DSCAML1: variants seen among roughly 807,000 people sequenced by gnomAD.
The protein encoded by DSCAML1 is cell adhesion molecule DSCAML1.
A neutral mutation model predicts 200.5 loss-of-function variants in DSCAML1; 38 were observed. The observed-to-expected ratio is 0.19, with a 90% CI of 0.15 to 0.25. The LOEUF (loss-of-function observed/expected upper bound fraction) is 0.25, where lower values mean the gene tolerates loss of function less well. DSCAML1 is among the 10% of genes least tolerant of loss of function. The probability of loss-of-function intolerance (pLI) is 1.00; values close to 1 mark genes in which losing one functional copy is unlikely to be tolerated. For missense variants in DSCAML1, 2,223 were observed against 2,858.8 expected (o/e 0.78, Z 5.07); for synonymous variants, 1,215 against 1,165.0 (o/e 1.04, Z -0.87).
rs543711907 is a variant in DSCAML1 at position 117,471,876 on chromosome 11, C to A, written c.2946G>T (p.Glu982Asp). ...GCTGGGTGAGGTGCTCACCGGCCTCCTCAGTGCTGATGGTGAGCTCCTTGC... is the reference window on the plus strand; with the variant it reads ...GCTGGGTGAGGTGCTCACCGGCCTCATCAGTGCTGATGGTGAGCTCCTTGC... Reference protein sequence around the residue: ...EPSKELTISTEEAAPDGPPMD... With the variant: ...EPSKELTISTDEAAPDGPPMD... Residue 982 changes from glutamate (E) to aspartate (D), a missense_variant, in exon 15 of 33, where the codon GAG becomes GAT. Glu to Asp is a conservative substitution (Grantham distance 45). Coordinates refer to ENST00000651296, the MANE Select transcript of DSCAML1 (RefSeq NM_020693.4). The A allele has an allele frequency of 1.0e-5, 16 of 1,561,626 alleles. 1 individual carries two copies. The South Asian group carries it at 1.6e-4, about 16-fold the overall frequency.
intron 24 of DSCAML1, 108 bp downstream of exon 24, chr11:117,438,777 T>C: frequency 9.7e-7 from 1 of 1,034,220 alleles, no homozygotes; most frequent in Non-Finnish European, 1.3e-6. Context: ...GGCCCCCAGA[T>C]CGTTTCTGTC....
chr11:117,445,917 A>G (rs983947767), intron 20 of DSCAML1, among the ~76,000 whole-genome samples: 1 of 152,232 alleles, frequency 6.6e-6, no homozygotes, highest in Non-Finnish European at 1.5e-5. Context: ...GTTCCAGTGG[A>G]TCAAAGGTTT....
intron 19 of DSCAML1, among the ~76,000 whole-genome samples, chr11:117,453,749 T>TC (rs367920807): frequency 0.33 from 46,195 of 138,638 alleles, 8,723 homozygotes; most frequent in Non-Finnish European, 0.45. Context: ...TTTCTTTCTT[T>TC]TTTTTTTTTT....
rs1200257352 is a variant in DSCAML1 at position 117,540,167 on chromosome 11, C to G, written c.512-7645G>C. 3.3e-5 allele frequency among the ~76,000 whole-genome samples: 5 copies of G among 152,294 alleles called. No homozygotes were observed. In the East Asian group the frequency reaches 9.6e-4, roughly 29 times the overall value. On this transcript the variant is annotated intron_variant, in intron 3 of 32. Coordinates refer to ENST00000651296, the MANE Select transcript of DSCAML1 (RefSeq NM_020693.4). ...GTTGTTTAATGCAGGGGTTCCCAACCTTGGGGCCGTGGACCAGTACCTGTT... is the reference window on the plus strand; with the variant it reads ...GTTGTTTAATGCAGGGGTTCCCAACGTTGGGGCCGTGGACCAGTACCTGTT...
chr11:117,546,802 C>T (rs376982304), intron 3 of DSCAML1, among the ~76,000 whole-genome samples: 1 of 152,004 alleles, frequency 6.6e-6, no homozygotes. Context: ...CTTTCTCTAC[C>T]CCAGGATTAG....
chr11:117,464,903 C>A, intron 17 of DSCAML1, 39 bp downstream of exon 17: 1 of 1,602,426 alleles, frequency 6.2e-7, no homozygotes, highest in Non-Finnish European at 8.5e-7. Flanking sequence ...CTGCCCATGG[C>A]AGGAATCTGT....
At chr11:117,652,466 C>T (rs973961449) in intron 3 of DSCAML1, among the ~76,000 whole-genome samples, 20 of 152,220 alleles carry the variant, frequency 1.3e-4, no homozygotes, top group Non-Finnish European at 2.2e-4. Context: ...CAGTCACCTC[C>T]CCATCTGGGA....
At position 117,497,418 on chromosome 11, in the gene DSCAML1, C is replaced by T. The variant is rs188767582; in HGVS notation, c.2359+6427G>A. Among the ~76,000 whole-genome samples the T allele has an allele frequency of 7.9e-4, 120 of 152,328 alleles. 1 individual carries two copies. Among genetic ancestry groups the T allele is most frequent in the African/African-American group, 2.4e-3 (99 of 41,580 alleles). ...CCCAAGGAGGTTTACTGACTCCTTG[C>T]TCCTCTGAGAATGGGGGCTGCGGCG... On this transcript the variant is annotated intron_variant, in intron 11 of 32. Transcript: ENST00000651296.
Position 117,481,170 on chromosome 11 carries a change from G to A in DSCAML1, c.2656+4C>T, listed in dbSNP as rs751069314. ...GATGGGAAGGGTGGGGCAGGTGAAG[G>A]TACCTTGCACAGTGAGTTGGATCAA... On this transcript the variant is annotated splice_donor_region_variant and intron_variant, in intron 13 of 32. Transcript: ENST00000651296. 1 of 1,613,702 alleles carries A rather than the reference G, an allele frequency of 6.2e-7. No homozygotes were observed. Among genetic ancestry groups the A allele is most frequent in the South Asian group, 1.1e-5 (1 of 91,072 alleles).
At chr11:117,754,297 T>C (rs549119259) in intron 3 of DSCAML1, among the ~76,000 whole-genome samples, 80 of 152,282 alleles carry the variant, frequency 5.3e-4, no homozygotes, top group Admixed American at 9.8e-4. Context: ...ACCAGGGAAT[T>C]AATTCAACTC....
chr11:117,637,608 G>A lies in DSCAML1; in HGVS notation c.512-105086C>T, dbSNP rs566915246. On this transcript the variant is annotated intron_variant, in intron 3 of 32. Coordinates refer to ENST00000651296, the MANE Select transcript of DSCAML1 (RefSeq NM_020693.4). Reference sequence around the variant, plus strand: ...GATCCGCCCATCTCGGCCTCCCAAAGTGGTGGGATTACAGGCATGAGCCAC... The same window carrying A: ...GATCCGCCCATCTCGGCCTCCCAAAATGGTGGGATTACAGGCATGAGCCAC... Among the ~76,000 whole-genome samples the A allele has an allele frequency of 2.6e-5, 4 of 152,296 alleles. No homozygotes were observed. The South Asian group carries it at 8.3e-4, about 32-fold the overall frequency.
Position 117,797,158 on chromosome 11 carries a change from C to A in DSCAML1, c.-79G>T. The A allele has an allele frequency of 6.3e-7, 1 of 1,586,870 alleles. No homozygotes were observed. The highest frequency in any genetic ancestry group is 1.1e-5 in the South Asian group (1 of 87,700). ...CAGCGCCTCTCCCCCGCTCAGCGCG[C>A]TCCCAGCCGCCCGCACTCGGCGCCC... On this transcript the variant is annotated 5_prime_UTR_variant, in exon 1 of 33. Coordinates refer to ENST00000651296, the MANE Select transcript of DSCAML1 (RefSeq NM_020693.4).
chr11:117,606,250 C>A (rs1023925929), intron 3 of DSCAML1, among the ~76,000 whole-genome samples: 2 of 152,146 alleles, frequency 1.3e-5, no homozygotes, highest in African/African-American at 4.8e-5. Flanking sequence ...GAGGACCAGA[C>A]AGAAAATTAG....
chr11:117,734,162 C>T (rs1235225637), intron 3 of DSCAML1, among the ~76,000 whole-genome samples: 1 of 152,204 alleles, frequency 6.6e-6, no homozygotes, highest in African/African-American at 2.4e-5. Flanking sequence ...GGGGAAGTCA[C>T]CTCTTTGGTC....
At chr11:117,724,233 G>A (rs182334685) in intron 3 of DSCAML1, among the ~76,000 whole-genome samples, 2 of 152,294 alleles carry the variant, frequency 1.3e-5, no homozygotes, top group East Asian at 1.9e-4. Flanking sequence ...ATCACTCAGG[G>A]GCAGCATGCA....
At chr11:117,730,142 T>C (rs1425193980) in intron 3 of DSCAML1, among the ~76,000 whole-genome samples, 1 of 151,954 alleles carries the variant, frequency 6.6e-6, no homozygotes, top group Non-Finnish European at 1.5e-5. Context: ...GAGGTTGCAG[T>C]GAGCTGAGAC....
chr11:117,746,372 C>G (rs1401171328), intron 3 of DSCAML1, among the ~76,000 whole-genome samples: 1 of 152,116 alleles, frequency 6.6e-6, no homozygotes, highest in East Asian at 1.9e-4. Context: ...GGACCTGAGA[C>G]CTGATGGTAG....
intron 3 of DSCAML1, among the ~76,000 whole-genome samples, chr11:117,598,462 T>C (rs187735978): frequency 1.3e-5 from 2 of 152,284 alleles, no homozygotes; most frequent in Admixed American, 1.3e-4. Context: ...CGCCCAGCTA[T>C]AACATGGGCA....
chr11:117,442,322 T>TGTGTGTA (rs1375389086), intron 21 of DSCAML1, among the ~76,000 whole-genome samples: 2 of 141,422 alleles, frequency 1.4e-5, no homozygotes, highest in African/African-American at 5.6e-5. Flanking sequence ...TATGCATGTA[T>TGTGTGTA]TAGTGTGTAT....
Sources: gnomAD v4.1 joint callset for allele counts (sites outside exome capture counted in the v4.1 genomes callset) on GRCh38, gnomAD v4.1.1 for gene constraint, MANE v1.5 for transcripts, NCBI Gene and HGNC (gene_info 2026-07-23, HGNC 2026-07-21) for gene names.